Variants in ADGRL2 observed in about 807,000 individuals in gnomAD.
The protein encoded by ADGRL2 is adhesion G protein-coupled receptor L2.
Under a neutral mutation model 157.4 loss-of-function variants are expected in ADGRL2, and 44 were observed. The observed-to-expected ratio is 0.28, with a 90% CI of 0.22 to 0.36. The LOEUF (loss-of-function observed/expected upper bound fraction) is 0.36, where lower values mean the gene tolerates loss of function less well. Ranked by LOEUF, ADGRL2 falls within the 10% of genes least tolerant of loss-of-function variation. The pLI is 1.00. For synonymous variants in ADGRL2, 585 were observed against 624.7 expected (o/e 0.94, Z 0.95); for missense variants, 1,510 against 1,768.9 (o/e 0.85, Z 2.63).
chr1:81,878,839 T>G (rs749321552), intron 2 of ADGRL2, among the ~76,000 whole-genome samples: 2 of 152,186 alleles, frequency 1.3e-5, no homozygotes, highest in Non-Finnish European at 2.9e-5. Context: ...AGAATATTTC[T>G]TTTCTAAAAA....
chr1:81,983,254 A>C (rs930193415), intron 19 of ADGRL2, among the ~76,000 whole-genome samples: 2 of 151,984 alleles, frequency 1.3e-5, no homozygotes, highest in Admixed American at 6.6e-5. Context: ...CTTCAAAAGA[A>C]GTATAACTTA....
At chr1:81,831,377 C>A (rs1291365029) in intron 1 of ADGRL2, among the ~76,000 whole-genome samples, 1 of 152,082 alleles carries the variant, frequency 6.6e-6, no homozygotes, top group Non-Finnish European at 1.5e-5. Flanking sequence ...GGATGTTTAG[C>A]TCATGTAAAC....
chr1:81,376,774 A>C (rs1422445879), intron 1 of ADGRL2, among the ~76,000 whole-genome samples: 1 of 152,146 alleles, frequency 6.6e-6, no homozygotes, highest in Non-Finnish European at 1.5e-5. Context: ...TCATTGAGAC[A>C]CAACCAGATT....
rs866705070 is a variant in ADGRL2 at position 81,747,446 on chromosome 1, G to A, written c.-142-14365G>A. On this transcript the variant is annotated intron_variant, in intron 1 of 20. Coordinates refer to the ADGRL2 transcript ENST00000359929. Reference sequence around the variant, plus strand: ...CTCCCAAGTAGCTGGGATTACAGGCGCATGCCGCCATGCTCAGCTAATTGT... The same window carrying A: ...CTCCCAAGTAGCTGGGATTACAGGCACATGCCGCCATGCTCAGCTAATTGT... Among the ~76,000 whole-genome samples the A allele has an allele frequency of 7.9e-5, 12 of 151,630 alleles. No homozygotes were observed. The East Asian group carries it at 1.4e-3, about 17-fold the overall frequency.
intron 1 of ADGRL2, among the ~76,000 whole-genome samples, chr1:81,362,280 G>A (rs916168268): frequency 6.6e-6 from 1 of 151,702 alleles, no homozygotes; most frequent in Non-Finnish European, 1.5e-5. Context: ...TCTCTATGAA[G>A]TGCCACATGA....
At chr1:81,570,720 G>A (rs540623289) in intron 2 of ADGRL2, among the ~76,000 whole-genome samples, 34 of 152,050 alleles carry the variant, frequency 2.2e-4, no homozygotes, top group Non-Finnish European at 4.4e-4. Flanking sequence ...AAAATTCCTA[G>A]AATAATACTT....
chr1:81,531,483 C>A lies in ADGRL2; in HGVS notation c.-247-49393C>A, dbSNP rs374380577. Among the ~76,000 whole-genome samples, 21 of 152,202 alleles carry A rather than the reference C, an allele frequency of 1.4e-4. No individual in the cohort carries two copies. The East Asian group carries it at 3.1e-3, about 22-fold the overall frequency. On this transcript the variant is annotated intron_variant, in intron 2 of 24. Coordinates refer to the ADGRL2 transcript ENST00000370721. ...ACATGCTTAGTTCATAGTAGACAGG[C>A]AATTAATAATTAGGGTGCTGAATAA...
At chr1:81,824,969 C>CTCTT (rs2091326409) in intron 1 of ADGRL2, among the ~76,000 whole-genome samples, 6 of 151,174 alleles carry the variant, frequency 4.0e-5, no homozygotes, top group Admixed American at 6.6e-5. Flanking sequence ...CTCTCTCTCT[C>CTCTT]TCTCTCTCTC....
intron 1 of ADGRL2, chr1:81,721,699 C>A: frequency 7.4e-7 from 1 of 1,342,762 alleles, no homozygotes; most frequent in South Asian, 1.2e-5. Context: ...GACCATGGAC[C>A]CCCCGCAAAG....
At chr1:81,948,497 C>A (rs997500646) in intron 6 of ADGRL2, among the ~76,000 whole-genome samples, 6 of 152,144 alleles carry the variant, frequency 3.9e-5, no homozygotes, top group African/African-American at 1.4e-4. Flanking sequence ...TTTTGCTCTG[C>A]CCCCTTCTTT....
chr1:81,990,247 G>T (rs1283993174), intron 23 of ADGRL2, 144 bp from the exon 24 acceptor site: 5 of 1,487,562 alleles, frequency 3.4e-6, no homozygotes, highest in Non-Finnish European at 3.5e-6. Context: ...AGTTGGGAAT[G>T]CAGGAAAGCC....
At chr1:81,622,660 CAAG>C (rs2081822259) in intron 3 of ADGRL2, among the ~76,000 whole-genome samples, 1 of 152,114 alleles carries the variant, frequency 6.6e-6, no homozygotes, top group South Asian at 2.1e-4. Context: ...GAGACAAAGG[CAAG>C]AAGATCACTT....
intron 2 of ADGRL2, among the ~76,000 whole-genome samples, chr1:81,538,914 T>C (rs147216910): frequency 0.021 from 3,052 of 146,494 alleles, 59 homozygotes; most frequent in Non-Finnish European, 0.03. Flanking sequence ...AGGTTGAGGT[T>C]GGGGGATGGC....
intron 3 of ADGRL2, among the ~76,000 whole-genome samples, chr1:81,605,496 C>T (rs776173006): frequency 4.6e-5 from 7 of 152,168 alleles, no homozygotes; most frequent in Admixed American, 1.3e-4. Context: ...TTAAACTAAG[C>T]CCCCACATAA....
intron 2 of ADGRL2, among the ~76,000 whole-genome samples, chr1:81,792,403 A>AT (rs2149422915): frequency 6.6e-6 from 1 of 152,300 alleles, no homozygotes; most frequent in South Asian, 2.1e-4. Context: ...TCCATTTTGT[A>AT]TTTCTTATGT....
At chr1:81,491,616 A>T (rs956232551) in intron 2 of ADGRL2, among the ~76,000 whole-genome samples, 7 of 152,226 alleles carry the variant, frequency 4.6e-5, no homozygotes, top group African/African-American at 1.7e-4. Flanking sequence ...ACCAAAGATG[A>T]CAGAAAGAGA....
chr1:81,981,782 TA>T (rs779933665), intron 18 of ADGRL2, 25 bp from the exon 19 acceptor site: 1 of 1,594,624 alleles, frequency 6.3e-7, no homozygotes, highest in South Asian at 1.1e-5. Flanking sequence ...TTGAACCTGT[TA>T]AAAAAGTTCA....
chr1:81,968,459 G>A (rs1657780222), intron 14 of ADGRL2, among the ~76,000 whole-genome samples: 3 of 152,178 alleles, frequency 2.0e-5, no homozygotes, highest in Non-Finnish European at 4.4e-5. Context: ...GACAACAGAA[G>A]ATTTAAATAA....
rs141121117 is a variant in ADGRL2 at position 81,486,231 on chromosome 1, G to A, written c.-248+41142G>A. 4.6e-3 allele frequency among the ~76,000 whole-genome samples: 706 copies of A among 152,232 alleles called. 7 individuals are homozygous for A. The highest frequency in any genetic ancestry group is 0.019 in the Admixed American group (289 of 15,280). ...GTGCACATTTTTCTCTCTGGTCTTT[G>A]CTGTATTTCATAGACATCTTCTGTT... On this transcript the variant is annotated intron_variant, in intron 2 of 24. Coordinates refer to the ADGRL2 transcript ENST00000370721.
Sources: allele counts gnomAD v4.1 joint callset (sites outside exome capture counted in the v4.1 genomes callset), GRCh38; gene constraint gnomAD v4.1.1; transcripts MANE v1.5; gene names NCBI Gene and HGNC (gene_info 2026-07-23, HGNC 2026-07-21).